Variants in PTPRT observed in about 807,000 individuals in gnomAD.
PTPRT encodes the protein protein tyrosine phosphatase receptor type T.
Under a neutral mutation model 176.8 loss-of-function variants are expected in PTPRT, and 56 were observed. That is an observed-to-expected ratio of 0.32 (90% CI 0.26 to 0.40). PTPRT has a LOEUF of 0.40. PTPRT is among the 10% of genes least tolerant of loss of function. The pLI, the probability that PTPRT is intolerant of heterozygous loss-of-function variation, is 1.00. For synonymous variants in PTPRT, 783 were observed against 739.0 expected (o/e 1.06, Z -0.96); for missense variants, 1,540 against 1,908.2 (o/e 0.81, Z 3.60).
Position 42,510,448 on chromosome 20 carries a change from CGT to C in PTPRT, c.1154-37888_1154-37887del, listed in dbSNP as rs559865966. 6.3e-4 allele frequency among the ~76,000 whole-genome samples: 96 copies of C among 152,066 alleles called. 1 individual carries two copies. Among genetic ancestry groups the C allele is most frequent in the African/African-American group, 2.3e-3 (94 of 41,488 alleles). On this transcript the variant is annotated intron_variant, in intron 7 of 30. Coordinates refer to ENST00000373187, the MANE Select transcript of PTPRT (RefSeq NM_007050.6). ...ATAGGCATGAATTCACATGCTATAACGTGTGTGTTTTTTAAAAAAGGAGCCCC... is the reference window on the plus strand; with the variant it reads ...ATAGGCATGAATTCACATGCTATAACGTGTGTTTTTTAAAAAAGGAGCCCC...
chr20:42,347,773 T>C (rs2058216502), intron 11 of PTPRT, among the ~76,000 whole-genome samples: 1 of 152,234 alleles, frequency 6.6e-6, no homozygotes, highest in Admixed American at 6.5e-5. Flanking sequence ...TCCTGTCTCC[T>C]TGTTCAGCAG....
chr20:43,068,602 G>T (rs750258548), intron 1 of PTPRT, among the ~76,000 whole-genome samples: 5 of 151,848 alleles, frequency 3.3e-5, no homozygotes, highest in Non-Finnish European at 7.4e-5. Context: ...TATAACAACA[G>T]GGAGTTATCA....
At chr20:42,471,505 T>C (rs1389033479) in intron 8 of PTPRT, among the ~76,000 whole-genome samples, 2 of 152,178 alleles carry the variant, frequency 1.3e-5, no homozygotes, top group Admixed American at 1.3e-4. Flanking sequence ...TCTTCCACCA[T>C]GAGTAAAAGC....
chr20:43,014,366 C>T (rs527781293), intron 1 of PTPRT, among the ~76,000 whole-genome samples: 8 of 152,270 alleles, frequency 5.3e-5, no homozygotes, highest in Non-Finnish European at 1.0e-4. Context: ...ATTTAATAAA[C>T]GGGGTATTTT....
At chr20:42,354,875 C>A (rs955382635) in intron 9 of PTPRT, among the ~76,000 whole-genome samples, 2 of 151,912 alleles carry the variant, frequency 1.3e-5, no homozygotes, top group African/African-American at 4.8e-5. Context: ...TCAGACGGTG[C>A]CCAGAGCAGA....
chr20:42,939,062 T>C (rs1188500085), intron 1 of PTPRT, among the ~76,000 whole-genome samples: 1 of 152,176 alleles, frequency 6.6e-6, no homozygotes, highest in Non-Finnish European at 1.5e-5. Context: ...CCCTTAACCA[T>C]CACTGGTTTC....
intron 13 of PTPRT, among the ~76,000 whole-genome samples, chr20:42,280,473 C>T (rs372822716): frequency 2.0e-5 from 3 of 152,098 alleles, no homozygotes; most frequent in Admixed American, 1.3e-4. Context: ...AACCAGAATG[C>T]GGATGCTCTG....
chr20:42,672,170 T>A (rs1246431257), intron 7 of PTPRT, among the ~76,000 whole-genome samples: 2 of 152,214 alleles, frequency 1.3e-5, no homozygotes, highest in African/African-American at 4.8e-5. Flanking sequence ...AAGATTAACA[T>A]TTGAGTCAGT....
intron 7 of PTPRT, among the ~76,000 whole-genome samples, chr20:42,496,158 C>T (rs2071650320): frequency 6.6e-6 from 1 of 152,068 alleles, no homozygotes; most frequent in Admixed American, 6.6e-5. Flanking sequence ...TTCCTATTGA[C>T]TGGCCTGAGG....
intron 8 of PTPRT, among the ~76,000 whole-genome samples, chr20:42,458,236 A>T (rs2070957858): frequency 6.6e-6 from 1 of 152,204 alleles, no homozygotes; most frequent in Non-Finnish European, 1.5e-5. Context: ...TCTTTAGGAC[A>T]GTAGTTTAAG....
chr20:42,478,577 C>A (rs953573997), intron 7 of PTPRT, among the ~76,000 whole-genome samples: 1 of 152,070 alleles, frequency 6.6e-6, no homozygotes, highest in Non-Finnish European at 1.5e-5. Context: ...ATTATAAATG[C>A]CTTCACACCT....
At chr20:42,537,012 TATC>T (rs1207182851) in intron 7 of PTPRT, among the ~76,000 whole-genome samples, 1 of 152,068 alleles carries the variant, frequency 6.6e-6, no homozygotes, top group Non-Finnish European at 1.5e-5. Flanking sequence ...TGAAAGATAA[TATC>T]ATGTAATAAA....
chr20:42,147,609 C>G (rs1568969948), intron 17 of PTPRT, among the ~76,000 whole-genome samples: 1 of 152,218 alleles, frequency 6.6e-6, no homozygotes, highest in Non-Finnish European at 1.5e-5. Context: ...TTGGGGTCCT[C>G]TCACCATCAA....
chr20:42,949,915 T>G (rs540381235), intron 1 of PTPRT, among the ~76,000 whole-genome samples: 1 of 152,342 alleles, frequency 6.6e-6, no homozygotes, highest in East Asian at 1.9e-4. Flanking sequence ...ACTCCAGGGC[T>G]TGGCACAGTG....
intron 1 of PTPRT, among the ~76,000 whole-genome samples, chr20:43,000,298 T>C (rs895967766): frequency 1.3e-5 from 2 of 151,908 alleles, no homozygotes; most frequent in African/African-American, 4.8e-5. Flanking sequence ...AACTAGACTA[T>C]TTCAGAATAA....
rs138670027 is a variant in PTPRT, at chr20:42,785,959, G to C, written c.486+5236C>G. 8.5e-4 allele frequency among the ~76,000 whole-genome samples: 129 copies of C among 152,256 alleles called. 1 individual carries two copies. Among genetic ancestry groups the C allele is most frequent in the African/African-American group, 3.0e-3 (126 of 41,544 alleles). On this transcript the variant is annotated intron_variant, in intron 3 of 30. Transcript: ENST00000373187. ...AATCCCCATAATCCCTACATGTTGAGAGACGAACGTGGTGGGAGGTGATTG... is the reference window on the plus strand; with the variant it reads ...AATCCCCATAATCCCTACATGTTGACAGACGAACGTGGTGGGAGGTGATTG...
chr20:43,126,171 G>A (rs1305785751), intron 1 of PTPRT, among the ~76,000 whole-genome samples: 1 of 152,064 alleles, frequency 6.6e-6, no homozygotes, highest in Non-Finnish European at 1.5e-5. Context: ...GACCAACATG[G>A]TGAAACCCCG....
At chr20:42,068,276 T>C (rs1249063627), downstream of PTPRT, among the ~76,000 whole-genome samples, 1 of 152,200 alleles carries the variant, frequency 6.6e-6, no homozygotes, top group Admixed American at 6.5e-5. Flanking sequence ...ACTTCCCATA[T>C]ATGAAATCTG....
intron 13 of PTPRT, among the ~76,000 whole-genome samples, chr20:42,250,606 G>A (rs1311005248): frequency 6.6e-6 from 1 of 152,170 alleles, no homozygotes; most frequent in Non-Finnish European, 1.5e-5. Context: ...TAGTGAGAAT[G>A]GTAAGTCACC....
Sources: gnomAD v4.1 joint callset for allele counts (sites outside exome capture counted in the v4.1 genomes callset) on GRCh38, gnomAD v4.1.1 for gene constraint, MANE v1.5 for transcripts, NCBI Gene and HGNC (gene_info 2026-07-23, HGNC 2026-07-21) for gene names.